Variants in RIMS2 observed in about 807,000 individuals in gnomAD.
RIMS2 encodes the protein regulating synaptic membrane exocytosis protein 2.
In RIMS2, 59 loss-of-function variants were observed where a neutral mutation model predicts 174.4. That is an observed-to-expected ratio of 0.34 (90% confidence interval 0.27 to 0.42). The LOEUF is 0.42. RIMS2 is among the 10% of genes least tolerant of loss of function. RIMS2 has a pLI of 1.00. For missense variants in RIMS2, 1,620 were observed against 1,666.3 expected (o/e 0.97, Z 0.48); for synonymous variants, 606 against 572.5 (o/e 1.06, Z -0.84).
intron 1 of RIMS2, among the ~76,000 whole-genome samples, chr8:103,510,298 T>C (rs983229364): frequency 2.6e-5 from 4 of 152,188 alleles, no homozygotes; most frequent in Non-Finnish European, 5.9e-5. Flanking sequence ...TTGGCATATT[T>C]GGTATCTGTT....
At chr8:104,076,451 G>A (rs2097294099) in intron 19 of RIMS2, among the ~76,000 whole-genome samples, 1 of 152,136 alleles carries the variant, frequency 6.6e-6, no homozygotes, top group South Asian at 2.1e-4. Flanking sequence ...ATAAGTAAAA[G>A]AAGGGGTGAT....
intron 19 of RIMS2, among the ~76,000 whole-genome samples, chr8:104,182,420 C>T (rs1266413289): frequency 6.6e-6 from 1 of 151,536 alleles, no homozygotes; most frequent in Admixed American, 6.6e-5. Flanking sequence ...ATGTACAATC[C>T]AGTAGTTTTT....
intron 3 of RIMS2, among the ~76,000 whole-genome samples, chr8:103,850,009 A>T (rs761414486): frequency 1.4e-4 from 22 of 152,062 alleles, no homozygotes; most frequent in Non-Finnish European, 2.4e-4. Flanking sequence ...GTTAAAGAGG[A>T]TGGACGTAGC....
intron 19 of RIMS2, among the ~76,000 whole-genome samples, chr8:104,145,430 C>G (rs2098627981): frequency 6.6e-6 from 1 of 151,768 alleles, no homozygotes; most frequent in Admixed American, 6.6e-5. Context: ...TAAAATATTG[C>G]CCATAATTAC....
At chr8:103,960,684 G>A (rs140829360) in intron 14 of RIMS2, among the ~76,000 whole-genome samples, 172 of 152,112 alleles carry the variant, frequency 1.1e-3, no homozygotes, top group Middle Eastern at 3.4e-3. Context: ...AATTTATCTG[G>A]TCTTAAGTGT....
chr8:104,181,275 T>G (rs2098937821), intron 19 of RIMS2, among the ~76,000 whole-genome samples: 1 of 151,548 alleles, frequency 6.6e-6, no homozygotes, highest in South Asian at 2.1e-4. Flanking sequence ...CATCTAAACA[T>G]CCTTAAATTT....
chr8:103,829,567 C>A (rs1002042336), intron 3 of RIMS2, among the ~76,000 whole-genome samples: 1 of 152,108 alleles, frequency 6.6e-6, no homozygotes, highest in Admixed American at 6.5e-5. Context: ...CAACATAGAT[C>A]GAGTTGGAGG....
In RIMS2 at chr8:104,062,787, T is replaced by G. The variant is rs1017213077; in HGVS notation, c.3334+48172T>G. On this transcript the variant is annotated intron_variant, in intron 19 of 23. Coordinates refer to ENST00000504942, the Ensembl canonical transcript of RIMS2. ...CATTTTAAATATGTTATTTCTGTCA[T>G]TCTCATTATTTTCTTTATCTTCTTT... 3.9e-5 allele frequency among the ~76,000 whole-genome samples: 6 copies of G among 152,284 alleles called. No individual in the cohort carries two copies. In the East Asian group the frequency reaches 5.8e-4, roughly 15 times the overall value.
At chr8:103,826,787 T>G (rs1025005590) in intron 3 of RIMS2, among the ~76,000 whole-genome samples, 2 of 151,408 alleles carry the variant, frequency 1.3e-5, no homozygotes, top group African/African-American at 4.8e-5. Flanking sequence ...ACTCAAGTGA[T>G]CCTTCTTCCT....
At chr8:104,113,444 T>C (rs6994862) in intron 19 of RIMS2, among the ~76,000 whole-genome samples, 3,343 of 152,228 alleles carry the variant, frequency 0.022, 126 homozygotes, top group African/African-American at 0.076. Flanking sequence ...TATAACTTCT[T>C]TAAAGGAGAC....
intron 5 of RIMS2, among the ~76,000 whole-genome samples, chr8:103,911,056 A>G (rs1461703125): frequency 6.6e-6 from 1 of 152,156 alleles, no homozygotes; most frequent in Non-Finnish European, 1.5e-5. Context: ...AATTAGTATT[A>G]GAGCCCTTGC....
intron 1 of RIMS2, among the ~76,000 whole-genome samples, chr8:103,537,596 T>C (rs1467164805): frequency 1.3e-5 from 2 of 152,138 alleles, no homozygotes; most frequent in East Asian, 3.8e-4. Flanking sequence ...AGCCTCCTTA[T>C]ATAAAATGAG....
At chr8:103,644,760 C>T (rs796842669) in intron 1 of RIMS2, among the ~76,000 whole-genome samples, 23 of 151,350 alleles carry the variant, frequency 1.5e-4, no homozygotes, top group African/African-American at 5.1e-4. Flanking sequence ...AAATGTTATA[C>T]ATTTCATATA....
At chr8:103,989,144 A>C (rs1228600436) in intron 16 of RIMS2, among the ~76,000 whole-genome samples, 161 bp from the exon 19 acceptor site, 5 of 152,158 alleles carry the variant, frequency 3.3e-5, no homozygotes, top group Non-Finnish European at 7.3e-5. Context: ...TCAACCTTCC[A>C]CTGAAACTTA....
intron 2 of RIMS2, among the ~76,000 whole-genome samples, chr8:103,719,189 A>G (rs1275219882): frequency 6.6e-6 from 1 of 152,204 alleles, no homozygotes; most frequent in African/African-American, 2.4e-5. Context: ...TGTGATGATG[A>G]AGGAAAGGCC....
intron 16 of RIMS2, among the ~76,000 whole-genome samples, chr8:103,986,028 T>A (rs1479948111): frequency 6.6e-6 from 1 of 152,194 alleles, no homozygotes; most frequent in Non-Finnish European, 1.5e-5. Flanking sequence ...AGAGATCTAT[T>A]GTATATAATG....
chr8:103,503,071 T>C (rs1422867616), intron 1 of RIMS2, among the ~76,000 whole-genome samples: 2 of 152,012 alleles, frequency 1.3e-5, no homozygotes, highest in African/African-American at 4.8e-5. Context: ...ACAAATGTTC[T>C]CTAAATACAT....
At chr8:104,041,109 AAT>A (rs1430885135) in intron 19 of RIMS2, among the ~76,000 whole-genome samples, 1 of 151,668 alleles carries the variant, frequency 6.6e-6, no homozygotes, top group East Asian at 1.9e-4. Flanking sequence ...TATTTTTCTG[AAT>A]CCGCTAACCT....
In RIMS2 at chr8:104,226,344, CCT is replaced by C. The variant is rs1405996018; in HGVS notation, c.3335-18571_3335-18570del. Among the ~76,000 whole-genome samples the C allele has an allele frequency of 4.6e-5, 7 of 151,918 alleles. No individual in the cohort carries two copies. In the East Asian group the frequency reaches 1.2e-3, roughly 25 times the overall value. On this transcript the variant is annotated intron_variant, in intron 19 of 23. Coordinates refer to ENST00000504942, the Ensembl canonical transcript of RIMS2. ...AATAGCTAAAGAATTTCAAGTATAC[CCT>C]GTCTTCCAGTTCCATATTCACATTC...
Sources: gnomAD v4.1 joint callset for allele counts (sites outside exome capture counted in the v4.1 genomes callset) on GRCh38, gnomAD v4.1.1 for gene constraint, MANE v1.5 for transcripts, NCBI Gene and HGNC (gene_info 2026-07-23, HGNC 2026-07-21) for gene names.